Variants in MKX observed in about 807,000 individuals in gnomAD.
MKX encodes the protein mohawk homeobox.
MKX carries 13 observed loss-of-function variants against 36.0 expected under a neutral mutation model. The ratio of observed to expected loss-of-function variants is 0.36; its 90% CI spans 0.24 to 0.57. MKX has a LOEUF of 0.57. Among genes scored for constraint, MKX ranks in the 20% least tolerant of loss-of-function variants. The probability of loss-of-function intolerance (pLI) is 0.79; values close to 1 mark genes in which losing one functional copy is unlikely to be tolerated. For synonymous variants in MKX, 176 were observed against 178.3 expected (o/e 0.99, Z 0.10); for missense variants, 458 against 456.4 (o/e 1.00, Z -0.03).
intron 5 of MKX, among the ~76,000 whole-genome samples, chr10:27,688,815 T>G (rs531593911): frequency 6.6e-6 from 1 of 152,316 alleles, no homozygotes; most frequent in East Asian, 1.9e-4. Flanking sequence ...CAAGGGTTAT[T>G]TCTCCCAAGA....
chr10:27,741,588 C>T lies in MKX; in HGVS notation c.189-84G>A. ...TCCACGCCCCGGCCAAGCCCGGGCCCCGCATCCAAACTGCGCATTCCTGCC... is the reference window on the plus strand; with the variant it reads ...TCCACGCCCCGGCCAAGCCCGGGCCTCGCATCCAAACTGCGCATTCCTGCC... On this transcript the variant is annotated intron_variant, in intron 2 of 6. Coordinates refer to ENST00000419761, the MANE Select transcript of MKX (RefSeq NM_173576.3). This position sits in a 1 kb window ranked among gnomAD's most constrained non-coding sequence, Gnocchi z 5.1. 1 of 1,451,502 alleles carries T rather than the reference C, an allele frequency of 6.9e-7. No individual in the cohort carries two copies. Among genetic ancestry groups the T allele is most frequent in the Non-Finnish European group, 9.1e-7 (1 of 1,100,570 alleles). 89.9% of individuals were successfully genotyped at this position (1,451,502 alleles called of 1,614,324 possible).
chr10:27,737,050 A>G (rs1248327603), intron 3 of MKX, among the ~76,000 whole-genome samples: 1 of 152,180 alleles, frequency 6.6e-6, no homozygotes, highest in Non-Finnish European at 1.5e-5. Flanking sequence ...CTAGGAATGA[A>G]TAAGCTTTGT....
chr10:27,743,342 C>A lies in MKX; in HGVS notation c.74G>T (p.Arg25Leu). Residue 25 changes from arginine to leucine, a missense_variant, in exon 2 of 7, where the codon CGG becomes CTG. By Grantham distance (102) the Arg-to-Leu change is moderately radical. Transcript: ENST00000419761. ...GACACCGCTGTAGGGCCGGCCACCC[C>A]GCTCCCGCTCCGAGGCGCCTCCGTC... ...FEDGGASERE[R>L]GGRPYSGVLD... 1 of 1,583,654 alleles carries A rather than the reference C, an allele frequency of 6.3e-7. No homozygotes were observed. The highest frequency in any genetic ancestry group is 1.7e-4 in the Middle Eastern group (1 of 5,960).
At chr10:27,711,503 C>CTTTCTTTTTCT in intron 5 of MKX, among the ~76,000 whole-genome samples, 1 of 10,650 alleles carries the variant, frequency 9.4e-5, no homozygotes, top group African/African-American at 2.3e-4. Context: ...CTCTTCTTTC[C>CTTTCTTTTTCT]TTCCTTCCTT....
intron 3 of MKX, among the ~76,000 whole-genome samples, chr10:27,739,898 T>A (rs1413116140): frequency 7.2e-5 from 11 of 152,200 alleles, no homozygotes; most frequent in Admixed American, 6.5e-4. Flanking sequence ...TTTATTTTCA[T>A]AAGTCAGGTT....
At chr10:27,715,073 C>T (rs1271780332) in intron 5 of MKX, among the ~76,000 whole-genome samples, 1 of 152,228 alleles carries the variant, frequency 6.6e-6, no homozygotes. Context: ...AACAGACTTG[C>T]TGTCCCTTTC....
intron 5 of MKX, among the ~76,000 whole-genome samples, chr10:27,700,736 A>T (rs1836635894): frequency 6.6e-6 from 1 of 152,204 alleles, no homozygotes; most frequent in Admixed American, 6.5e-5. Flanking sequence ...CATTTCGTTA[A>T]CAGCTAGTAA....
intron 5 of MKX, among the ~76,000 whole-genome samples, chr10:27,722,393 T>C (rs1256790484): frequency 6.6e-6 from 1 of 152,242 alleles, no homozygotes; most frequent in Non-Finnish European, 1.5e-5. Flanking sequence ...TTCTATAAAC[T>C]GTGGGCTTCC....
At chr10:27,694,827 C>A (rs1031810638) in intron 5 of MKX, among the ~76,000 whole-genome samples, 2 of 151,454 alleles carry the variant, frequency 1.3e-5, no homozygotes, top group African/African-American at 4.9e-5. Flanking sequence ...AAAAGCCTGG[C>A]ACTCGTACAC....
intron 5 of MKX, among the ~76,000 whole-genome samples, chr10:27,685,649 AC>A (rs901063735): frequency 1.3e-5 from 2 of 151,940 alleles, no homozygotes; most frequent in African/African-American, 4.8e-5. Context: ...ACGGGGTTTC[AC>A]CGTGTTAGCC....
intron 5 of MKX, among the ~76,000 whole-genome samples, chr10:27,710,423 T>A (rs1353604145): frequency 6.6e-6 from 1 of 152,168 alleles, no homozygotes; most frequent in African/African-American, 2.4e-5. Context: ...CATCTTTAGT[T>A]TCTGCATTAG....
chr10:27,680,535 T>G (rs534604022), intron 5 of MKX, among the ~76,000 whole-genome samples: 37 of 152,218 alleles, frequency 2.4e-4, no homozygotes, highest in Non-Finnish European at 3.8e-4. Flanking sequence ...CAACTTGAGA[T>G]AGCTAAGCAA....
At chr10:27,686,079 C>A (rs1027335583) in intron 5 of MKX, among the ~76,000 whole-genome samples, 1 of 152,080 alleles carries the variant, frequency 6.6e-6, no homozygotes, top group African/African-American at 2.4e-5. Context: ...GAGACTGCAA[C>A]TAAAGCCTGG....
At chr10:27,685,644 G>A (rs1467968555) in intron 5 of MKX, among the ~76,000 whole-genome samples, 3 of 152,040 alleles carry the variant, frequency 2.0e-5, no homozygotes, top group Non-Finnish European at 4.4e-5. Flanking sequence ...TAGAGACGGG[G>A]TTTCACCGTG....
chr10:27,741,983 G>C lies in MKX; in HGVS notation c.189-479C>G, dbSNP rs73604054. ...GCTTGTGGTCAGGGGAAAGGTCGCC[G>C]ACTGGACATAGGGAATAAAGCAAAG... is the stretch of plus-strand genomic sequence containing the variant. On this transcript the variant is annotated intron_variant, in intron 2 of 6. Transcript: ENST00000419761. The surrounding 1 kb of genome is among the most constrained non-coding windows in gnomAD (Gnocchi z 5.1). Among the ~76,000 whole-genome samples the C allele has an allele frequency of 0.013, 1,958 of 152,204 alleles. 34 individuals carry two copies. The highest frequency in any genetic ancestry group is 0.044 in the African/African-American group (1,842 of 41,546).
chr10:27,722,236 C>A (rs146057536), intron 5 of MKX, among the ~76,000 whole-genome samples: 2 of 152,138 alleles, frequency 1.3e-5, no homozygotes, highest in African/African-American at 4.8e-5. Context: ...AGCCCAACAC[C>A]CCCACTGGGC....
chr10:27,735,461 T>A, intron 3 of MKX, 87 bp from the exon 4 acceptor site: 1 of 1,011,450 alleles, frequency 9.9e-7, no homozygotes, highest in Non-Finnish European at 1.5e-6. Flanking sequence ...TAAGCCTCTC[T>A]CAGCACCTCT....
At chr10:27,687,893 G>A (rs1165478208) in intron 5 of MKX, among the ~76,000 whole-genome samples, 1 of 152,176 alleles carries the variant, frequency 6.6e-6, no homozygotes, top group Non-Finnish European at 1.5e-5. Context: ...TTGGCTCTTG[G>A]TATTCACCAC....
At chr10:27,721,360 C>A (rs1471963805) in intron 5 of MKX, among the ~76,000 whole-genome samples, 1 of 151,940 alleles carries the variant, frequency 6.6e-6, no homozygotes, top group African/African-American at 2.4e-5. Context: ...CAATAGGAAA[C>A]ACATGGAACC....
Sources: allele counts gnomAD v4.1 joint callset (sites outside exome capture counted in the v4.1 genomes callset), GRCh38; gene constraint gnomAD v4.1.1; non-coding constraint Gnocchi (gnomAD v3.1); transcripts MANE v1.5; gene names NCBI Gene and HGNC (gene_info 2026-07-23, HGNC 2026-07-21).